ZNF573: variants seen among roughly 807,000 people sequenced by gnomAD.
The protein encoded by ZNF573 is zinc finger protein 573.
In ZNF573, 41 loss-of-function variants were observed where a neutral mutation model predicts 57.4. That is an observed-to-expected ratio of 0.71 (90% CI 0.56 to 0.93). The LOEUF is 0.93. Ranked by LOEUF, ZNF573 falls within the 40% of genes least tolerant of loss-of-function variation. The probability of loss-of-function intolerance (pLI) is 0.00; values close to 1 mark genes in which losing one functional copy is unlikely to be tolerated. For synonymous variants in ZNF573, 249 were observed against 261.0 expected (o/e 0.95, Z 0.44); for missense variants, 730 against 794.8 (o/e 0.92, Z 0.98).
chr19:37,740,038 A>G lies in ZNF573; in HGVS notation c.452T>C (p.Leu151Pro), dbSNP rs764246670. 1.2e-6 allele frequency: 2 copies of G among 1,614,042 alleles called. No homozygotes were observed. Among genetic ancestry groups the G allele is most frequent in the African/African-American group, 2.7e-5 (2 of 74,928 alleles). Residue 151 changes from leucine (L) to proline (P), a missense_variant, in exon 5 of 5, where the codon CTA becomes CCA. By Grantham distance (98) the Leu-to-Pro change is moderately conservative (BLOSUM62 -3). Coordinates refer to ENST00000536220, the MANE Select transcript of ZNF573 (RefSeq NM_001172690.2). Reference sequence around the variant, plus strand: ...CTCAATGACATGAAACCTGTGATGTAGAATAAGTTGATAACCACTACTAAA... The same window carrying G: ...CTCAATGACATGAAACCTGTGATGTGGAATAAGTTGATAACCACTACTAAA... ...KKFSSGYQLI[L>P]HHRFHVIERP...
At chr19:37,761,594 T>C (rs773336311) in intron 4 of ZNF573, among the ~76,000 whole-genome samples, 11 of 152,212 alleles carry the variant, frequency 7.2e-5, no homozygotes, top group Non-Finnish European at 1.6e-4. Flanking sequence ...TGTTTGACTG[T>C]TGGTCATAAG....
intron 4 of ZNF573, among the ~76,000 whole-genome samples, chr19:37,760,194 G>A (rs889050217): frequency 6.6e-6 from 1 of 152,200 alleles, no homozygotes; most frequent in Non-Finnish European, 1.5e-5. Context: ...CCATACCTAA[G>A]CCTAGATCTG....
intron 4 of ZNF573, chr19:37,759,248 T>A: frequency 1.9e-6 from 1 of 523,526 alleles, no homozygotes; most frequent in Non-Finnish European, 2.5e-6. Flanking sequence ...GACAAGAACA[T>A]AGCACCATTA....
At chr19:37,779,411 G>C (rs571598578) in intron 1 of ZNF573, 133 bp downstream of exon 1, 1 of 152,574 alleles carries the variant, frequency 6.6e-6, no homozygotes, top group East Asian at 1.9e-4. Flanking sequence ...GTCCACACTA[G>C]AGGCTTCCAC....
In ZNF573 at chr19:37,739,420, G is replaced by C. The variant is rs765875209; in HGVS notation, c.1070C>G (p.Pro357Arg). The change falls in exon 5 of 5, where the codon CCC becomes CGC. Residue 357 changes from proline (P) to arginine (R), a missense_variant. By Grantham distance (103) the Pro-to-Arg change is moderately radical. Coordinates refer to ENST00000536220, the MANE Select transcript of ZNF573 (RefSeq NM_001172690.2). ...TTTCTTACACTCCTTACATTCATAG[G>C]GTTTTCCACCTTTATGAATTCTCTG... is the stretch of plus-strand genomic sequence containing the variant. The part of the protein sequence containing the change: ...LHQRIHKGGK[P>R]YECKECKKTF... 6.2e-7 allele frequency: 1 copy of C among 1,613,988 alleles called. No individual in the cohort carries two copies. Among genetic ancestry groups the C allele is most frequent in the Admixed American group, 1.7e-5 (1 of 59,990 alleles).
chr19:37,766,635 CTT>C (rs556954953), intron 4 of ZNF573, among the ~76,000 whole-genome samples: 22 of 152,198 alleles, frequency 1.4e-4, no homozygotes, highest in Non-Finnish European at 2.5e-4. Flanking sequence ...TTAAACCAAA[CTT>C]TTAATTCTCA....
intron 4 of ZNF573, among the ~76,000 whole-genome samples, chr19:37,752,722 C>T (rs1459689820): frequency 6.6e-6 from 1 of 152,086 alleles, no homozygotes; most frequent in Non-Finnish European, 1.5e-5. Context: ...GCAGCCTCAA[C>T]CTTCAGGGCT....
At chr19:37,755,715 C>A (rs1032896863) in intron 4 of ZNF573, among the ~76,000 whole-genome samples, 11 of 149,698 alleles carry the variant, frequency 7.3e-5, no homozygotes, top group Admixed American at 5.4e-4. Flanking sequence ...TTATGACTCA[C>A]AAATTTCAAA....
rs773059860 is a variant in ZNF573, at chr19:37,738,474, C to G, written c.*18G>C. ...GGGCTGTCTGATGATGAATGGCGCG[C>G]TCGTACTCTTTACGGTCTTACACTT... On this transcript the variant is annotated 3_prime_UTR_variant, in exon 5 of 5. Transcript: ENST00000536220. The G allele has an allele frequency of 3.5e-5, 53 of 1,512,806 alleles. No homozygotes were observed. In the East Asian group the frequency reaches 1.1e-3, roughly 32 times the overall value. The allele number at this position is 1,512,806 out of a possible 1,614,324, so 93.7% of individuals were successfully genotyped here. A position where few individuals can be genotyped will look rare whatever the true frequency, so the allele number is the denominator to read the frequency against.
chr19:37,752,501 G>A (rs938720233), intron 4 of ZNF573, among the ~76,000 whole-genome samples: 8 of 152,140 alleles, frequency 5.3e-5, no homozygotes, highest in Non-Finnish European at 1.2e-4. Context: ...AAAGTCATTC[G>A]CAAAAGGCCA....
chr19:37,740,681 A>G (rs1470405461), intron 4 of ZNF573: 2 of 444,200 alleles, frequency 4.5e-6, no homozygotes, highest in African/African-American at 2.0e-5. Flanking sequence ...TTTGCTTCCT[A>G]TTCTCTATCA....
At chr19:37,777,499 C>T (rs907812996) in intron 1 of ZNF573, among the ~76,000 whole-genome samples, 1 of 152,032 alleles carries the variant, frequency 6.6e-6, no homozygotes, top group Non-Finnish European at 1.5e-5. Context: ...TTGGATGCAA[C>T]CTGAATGGAG....
intron 4 of ZNF573, among the ~76,000 whole-genome samples, chr19:37,767,825 G>T (rs558079427): frequency 6.6e-6 from 1 of 152,206 alleles, no homozygotes; most frequent in African/African-American, 2.4e-5. Context: ...AGAACACAAA[G>T]AAAGATGAAG....
intron 4 of ZNF573, among the ~76,000 whole-genome samples, chr19:37,769,059 G>A (rs1017452380): frequency 6.6e-6 from 1 of 151,624 alleles, no homozygotes; most frequent in African/African-American, 2.4e-5. Flanking sequence ...CTGCCACCTG[G>A]GTTCAAGCGA....
intron 4 of ZNF573, 147 bp downstream of exon 4, chr19:37,769,858 C>T (rs2045638790): frequency 6.1e-6 from 4 of 656,102 alleles, no homozygotes; most frequent in Admixed American, 2.7e-5. Context: ...GCTTATGCTA[C>T]GATCTTTATT....
intron 4 of ZNF573, among the ~76,000 whole-genome samples, chr19:37,763,010 C>T (rs1257816627): frequency 3.3e-5 from 5 of 151,842 alleles, no homozygotes; most frequent in African/African-American, 1.2e-4. Flanking sequence ...TGACCTCAAG[C>T]GATCCACCTG....
At chr19:37,754,720 TA>T (rs1326421418) in intron 4 of ZNF573, among the ~76,000 whole-genome samples, 2 of 150,572 alleles carry the variant, frequency 1.3e-5, no homozygotes, top group East Asian at 1.9e-4. Context: ...AGGCAAAGTT[TA>T]AAAAAAGGTA....
chr19:37,759,558 T>C (rs1471459294), intron 4 of ZNF573, among the ~76,000 whole-genome samples: 1 of 151,984 alleles, frequency 6.6e-6, no homozygotes, highest in East Asian at 1.9e-4. Context: ...AAACCCTGTT[T>C]CTACTAAAAA....
intron 4 of ZNF573, among the ~76,000 whole-genome samples, chr19:37,769,130 A>G (rs2045629454): frequency 6.7e-6 from 1 of 148,744 alleles, no homozygotes; most frequent in Admixed American, 6.7e-5. Flanking sequence ...ATGCCTGGCT[A>G]ATTTTTGTAT....
Sources: allele counts gnomAD v4.1 joint callset (sites outside exome capture counted in the v4.1 genomes callset), GRCh38; gene constraint gnomAD v4.1.1; transcripts MANE v1.5; gene names NCBI Gene and HGNC (gene_info 2026-07-23, HGNC 2026-07-21).